DYNLT5: variants seen among roughly 807,000 people sequenced by gnomAD.
The protein encoded by DYNLT5 is dynein light chain Tctex-type family member 5, also known as dynein light chain Tctex-type 5.
A neutral mutation model predicts 19.3 loss-of-function variants in DYNLT5; 25 were observed. The observed-to-expected ratio is 1.30, with a 90% confidence interval of 0.95 to 1.81. The LOEUF (loss-of-function observed/expected upper bound fraction) is 1.81. DYNLT5 is among the 40% of genes most tolerant of loss of function. The pLI is 0.00. For synonymous variants in DYNLT5, 82 were observed against 68.9 expected, an observed-to-expected ratio of 1.19 and a Z score of -0.94; for missense variants, 232 against 217.9, an observed-to-expected ratio of 1.06 and a Z score of -0.41.
intron 2 of DYNLT5, among the ~76,000 whole-genome samples, chr1:66,765,833 A>G (rs1291639798): frequency 6.6e-6 from 1 of 152,084 alleles, no homozygotes; most frequent in Non-Finnish European, 1.5e-5. Flanking sequence ...ATCAGAATGC[A>G]TACTATTGGA....
chr1:66,755,479 G>A (rs1040719803), intron 2 of DYNLT5, among the ~76,000 whole-genome samples: 1 of 152,100 alleles, frequency 6.6e-6, no homozygotes, highest in East Asian at 1.9e-4. Context: ...AATTATCGAC[G>A]TAGCAGTCAA....
chr1:66,756,959 G>T (rs72922048), intron 2 of DYNLT5, among the ~76,000 whole-genome samples: 156 of 152,194 alleles, frequency 1.0e-3, no homozygotes, highest in African/African-American at 3.6e-3. Flanking sequence ...TCAGAATTTC[G>T]CTCCATCTCC....
intron 3 of DYNLT5, among the ~76,000 whole-genome samples, chr1:66,774,719 C>A (rs1247913699): frequency 6.6e-6 from 1 of 151,752 alleles, no homozygotes; most frequent in Admixed American, 6.6e-5. Context: ...TCCACATGAC[C>A]CTTCTGGGAT....
intron 2 of DYNLT5, among the ~76,000 whole-genome samples, chr1:66,757,428 T>C (rs1184972707): frequency 6.6e-6 from 1 of 152,230 alleles, no homozygotes; most frequent in Non-Finnish European, 1.5e-5. Context: ...TTTAATGTAA[T>C]TTTTATGTTT....
intron 2 of DYNLT5, 135 bp downstream of exon 2, chr1:66,754,912 G>A (rs1404617277): frequency 3.7e-6 from 3 of 817,082 alleles, no homozygotes; most frequent in African/African-American, 3.6e-5. Flanking sequence ...GTCATCTTTA[G>A]GGGCCATATT....
chr1:66,753,134 A>G (rs1319989244), intron 1 of DYNLT5, among the ~76,000 whole-genome samples: 1 of 152,122 alleles, frequency 6.6e-6, no homozygotes, highest in Non-Finnish European at 1.5e-5. Flanking sequence ...TACACACTCA[A>G]GGACGCTCAC....
At chr1:66,759,013 C>A (rs191742003) in intron 2 of DYNLT5, among the ~76,000 whole-genome samples, 1 of 152,016 alleles carries the variant, frequency 6.6e-6, no homozygotes, top group Non-Finnish European at 1.5e-5. Context: ...TAGCCTCCCC[C>A]AAAAAGAGAA....
chr1:66,756,025 C>G (rs2094635457), intron 2 of DYNLT5, among the ~76,000 whole-genome samples: 2 of 152,022 alleles, frequency 1.3e-5, no homozygotes. Flanking sequence ...ATCTTTTCCC[C>G]TTCAAAACAA....
At chr1:66,755,388 C>A (rs1391147149) in intron 2 of DYNLT5, among the ~76,000 whole-genome samples, 1 of 152,070 alleles carries the variant, frequency 6.6e-6, no homozygotes, top group Non-Finnish European at 1.5e-5. Context: ...CATGTTGCAT[C>A]TTCTCTCCTA....
At chr1:66,772,497 G>A (rs180823888) in intron 3 of DYNLT5, among the ~76,000 whole-genome samples, 188 of 152,296 alleles carry the variant, frequency 1.2e-3, no homozygotes, top group African/African-American at 3.9e-3. Context: ...CAACACTGGG[G>A]ATCACATTTC....
At chr1:66,770,544 G>T (rs1292751697) in intron 3 of DYNLT5, 66 bp downstream of exon 3, 4 of 1,189,288 alleles carry the variant, frequency 3.4e-6, no homozygotes, top group Middle Eastern at 1.9e-4. Context: ...TCTTAAAAAT[G>T]ATATTTGATA....
chr1:66,772,395 C>G lies in DYNLT5; in HGVS notation c.211+1917C>G, dbSNP rs2150867599. Among the ~76,000 whole-genome samples, 2 of 152,308 alleles carry G rather than the reference C, an allele frequency of 1.3e-5. 1 individual carries two copies. On this transcript the variant is annotated intron_variant, in intron 3 of 4. Coordinates refer to ENST00000282670, the MANE Select transcript of DYNLT5 (RefSeq NM_152665.3). ...AACTAATAGAGGAAGAACTATAGAG[C>G]AAGAACTCAGTAATTACCGCTGGGA...
intron 2 of DYNLT5, among the ~76,000 whole-genome samples, chr1:66,764,030 A>G (rs764655027): frequency 3.6e-4 from 55 of 152,024 alleles, no homozygotes; most frequent in Admixed American, 1.9e-3. Flanking sequence ...ACAAAAAATT[A>G]AAACAAAATT....
intron 2 of DYNLT5, among the ~76,000 whole-genome samples, chr1:66,759,565 A>G (rs1051037064): frequency 1.3e-5 from 2 of 152,206 alleles, no homozygotes; most frequent in Non-Finnish European, 2.9e-5. Flanking sequence ...AATTTTTAAA[A>G]TAGTCAAAGA....
At chr1:66,752,873 G>T (rs979312224) in intron 1 of DYNLT5, among the ~76,000 whole-genome samples, 5 of 152,184 alleles carry the variant, frequency 3.3e-5, no homozygotes, top group Admixed American at 2.0e-4. Flanking sequence ...TCTTCCTGTG[G>T]CTGGCCGCAC....
chr1:66,754,054 G>A (rs2094631819), intron 1 of DYNLT5, among the ~76,000 whole-genome samples: 1 of 152,088 alleles, frequency 6.6e-6, no homozygotes, highest in Admixed American at 6.5e-5. Flanking sequence ...AGACCAGCCT[G>A]GGCAACATAG....
chr1:66,761,163 A>G (rs544683270), intron 2 of DYNLT5, among the ~76,000 whole-genome samples: 1 of 152,346 alleles, frequency 6.6e-6, no homozygotes, highest in South Asian at 2.1e-4. Flanking sequence ...CTTTGGCAAT[A>G]TTGCAGGTTT....
chr1:66,759,803 C>T (rs1400085861), intron 2 of DYNLT5, among the ~76,000 whole-genome samples: 1 of 152,190 alleles, frequency 6.6e-6, no homozygotes, highest in Non-Finnish European at 1.5e-5. Context: ...TTAGAAAATA[C>T]AGGGGTGTGT....
In DYNLT5 at chr1:66,771,898, G is replaced by A. The variant is rs532613597; in HGVS notation, c.211+1420G>A. ...ATCTTATCAGTTTTAGAAGTACTGA[G>A]TATGAACCACATTAGAAAAGTAATT... is the stretch of plus-strand genomic sequence containing the variant. On this transcript the variant is annotated intron_variant, in intron 3 of 4. Coordinates refer to ENST00000282670, the MANE Select transcript of DYNLT5 (RefSeq NM_152665.3). 1.2e-4 allele frequency among the ~76,000 whole-genome samples: 18 copies of A among 152,288 alleles called. No individual in the cohort carries two copies. In the South Asian group the frequency reaches 3.5e-3, roughly 30 times the overall value.
Sources: gnomAD v4.1 joint callset for allele counts (sites outside exome capture counted in the v4.1 genomes callset) on GRCh38, gnomAD v4.1.1 for gene constraint, MANE v1.5 for transcripts, NCBI Gene and HGNC (gene_info 2026-07-23, HGNC 2026-07-21) for gene names.